Variants in FAT3 observed in about 807,000 individuals in gnomAD.
FAT3 encodes the protein FAT atypical cadherin 3, also known as protocadherin Fat 3.
A neutral mutation model predicts 310.2 loss-of-function variants in FAT3; 95 were observed. The observed-to-expected ratio is 0.31, with a 90% CI of 0.26 to 0.36. The LOEUF is 0.36. FAT3 is among the 10% of genes least tolerant of loss of function. FAT3 has a pLI of 1.00. For missense variants in FAT3, 5,408 were observed against 5,715.6 expected (o/e 0.95, Z 1.74); for synonymous variants, 2,314 against 2,192.9 (o/e 1.06, Z -1.54).
At chr11:92,284,357 A>G (rs1279507265) in intron 1 of FAT3, among the ~76,000 whole-genome samples, 1 of 151,976 alleles carries the variant, frequency 6.6e-6, no homozygotes, top group African/African-American at 2.4e-5. Context: ...TGTCAGTAAA[A>G]GGCTTGGGAT....
rs1947265637 is a variant in FAT3, at chr11:92,799,338, A to G, written c.6325A>G (p.Ile2109Val). 6.2e-7 allele frequency: 1 copy of G among 1,613,836 alleles called. No homozygotes were observed. Among genetic ancestry groups the G allele is most frequent in the Non-Finnish European group, 8.5e-7 (1 of 1,179,872 alleles). The change falls in exon 10 of 28, where the codon ATT becomes GTT. Residue 2109 changes from isoleucine to valine, a missense_variant. Coordinates refer to ENST00000525166, the MANE Select transcript of FAT3 (RefSeq NM_001367949.2). Reference protein sequence around the residue: ...PGTLIYQVTAIDKDKGPNGEV... With the variant: ...PGTLIYQVTAVDKDKGPNGEV... ...GACTCTGATTTATCAGGTGACAGCCATTGACAAAGATAAAGGTCCAAATGG... is the reference window on the plus strand; with the variant it reads ...GACTCTGATTTATCAGGTGACAGCCGTTGACAAAGATAAAGGTCCAAATGG...
At chr11:92,757,461 A>G (rs908567521) in intron 4 of FAT3, among the ~76,000 whole-genome samples, 11 of 152,002 alleles carry the variant, frequency 7.2e-5, no homozygotes, top group African/African-American at 2.7e-4. Flanking sequence ...AGAAGAGGAG[A>G]TGATGGGGAT....
chr11:92,330,475 A>G (rs931331452), intron 1 of FAT3, among the ~76,000 whole-genome samples: 1 of 152,180 alleles, frequency 6.6e-6, no homozygotes, highest in Non-Finnish European at 1.5e-5. Context: ...TATACGTTAA[A>G]TTTCAGGATG....
intron 8 of FAT3, among the ~76,000 whole-genome samples, chr11:92,790,423 G>A (rs1022457618): frequency 1.3e-5 from 2 of 152,114 alleles, no homozygotes; most frequent in Admixed American, 6.5e-5. Flanking sequence ...TTTGCCAAAC[G>A]AAAATATTAG....
intron 3 of FAT3, among the ~76,000 whole-genome samples, chr11:92,600,099 G>T (rs1426722063): frequency 2.0e-5 from 3 of 152,068 alleles, no homozygotes; most frequent in Non-Finnish European, 4.4e-5. Context: ...TTGATTTCTT[G>T]TATCTGTTTT....
chr11:92,615,399 A>C (rs1199391383), intron 3 of FAT3, among the ~76,000 whole-genome samples: 8 of 152,106 alleles, frequency 5.3e-5, no homozygotes, highest in African/African-American at 1.9e-4. Context: ...GGCACCCACC[A>C]CCACGCCTGG....
At chr11:92,623,610 C>T (rs1022517758) in intron 3 of FAT3, among the ~76,000 whole-genome samples, 1 of 152,142 alleles carries the variant, frequency 6.6e-6, no homozygotes, top group African/African-American at 2.4e-5. Flanking sequence ...TTAATTATAA[C>T]ATTTAGGGTG....
chr11:92,436,059 A>G (rs1950932154), intron 2 of FAT3, among the ~76,000 whole-genome samples: 1 of 152,168 alleles, frequency 6.6e-6, no homozygotes. Flanking sequence ...AACAATTCAC[A>G]GGCCAGAAGG....
chr11:92,232,845 GTAAT>G (rs1308687288), intron 1 of FAT3, among the ~76,000 whole-genome samples: 2 of 151,956 alleles, frequency 1.3e-5, no homozygotes, highest in Non-Finnish European at 2.9e-5. Context: ...CAACTTAGAA[GTAAT>G]TAGAGTAACT....
chr11:92,793,644 A>G (rs756284306), intron 9 of FAT3, among the ~76,000 whole-genome samples: 1 of 152,220 alleles, frequency 6.6e-6, no homozygotes, highest in Non-Finnish European at 1.5e-5. Context: ...CTGAGAGATG[A>G]ATGGCTAAGC....
chr11:92,434,652 T>C lies in FAT3; in HGVS notation c.3292+79248T>C, dbSNP rs140498001. 4.9e-3 allele frequency among the ~76,000 whole-genome samples: 753 copies of C among 152,316 alleles called. 5 individuals carry two copies. Among genetic ancestry groups the C allele is most frequent in the African/African-American group, 0.017 (716 of 41,570 alleles). ...AAGTCATCTGCCACTACTGATTAGC[T>C]GTGAGGACAGCTGCTTGACCTCACT... is the stretch of plus-strand genomic sequence containing the variant. On this transcript the variant is annotated intron_variant, in intron 2 of 27. Coordinates refer to ENST00000525166, the MANE Select transcript of FAT3 (RefSeq NM_001367949.2).
chr11:92,701,608 A>G (rs1275966278), intron 4 of FAT3, among the ~76,000 whole-genome samples: 1 of 152,236 alleles, frequency 6.6e-6, no homozygotes, highest in Non-Finnish European at 1.5e-5. Context: ...GCAAAAATGT[A>G]GAATTTTTAG....
rs1052381 is a variant in FAT3, at chr11:92,896,139, C to T, written c.*5026C>T. ...AATTTCAGAATCACAATGAGGTATG[C>T]CATTTCTTCATATACATGCACATTC... is the stretch of plus-strand genomic sequence containing the variant. On this transcript the variant is annotated 3_prime_UTR_variant, in exon 28 of 28. Coordinates refer to ENST00000525166, the MANE Select transcript of FAT3 (RefSeq NM_001367949.2). 72,362 of 151,710 alleles carry T rather than the reference C, an allele frequency of 0.48. 18,712 individuals carry two copies. The highest frequency in any genetic ancestry group is 0.67 in the African/African-American group (27,557 of 41,370). The allele number at this position is 151,710 out of a possible 1,614,324, so 9.4% of individuals were successfully genotyped here. A position where few individuals can be genotyped will look rare whatever the true frequency, so the allele number is the denominator to read the frequency against.
chr11:92,488,358 T>C (rs1158639984), intron 2 of FAT3, among the ~76,000 whole-genome samples: 4 of 149,510 alleles, frequency 2.7e-5, no homozygotes, highest in Non-Finnish European at 5.9e-5. Flanking sequence ...CCCAGACTCC[T>C]GGCCCATGGG....
chr11:92,753,798 G>GTGTGTTTATATATATATATATATATATA, intron 4 of FAT3, among the ~76,000 whole-genome samples: 1 of 119,182 alleles, frequency 8.4e-6, no homozygotes, highest in South Asian at 2.5e-4. Context: ...GTGTGTGTGT[G>GTGTGTTTATATATATATATATATATATA]TATATATATA....
intron 14 of FAT3, 47 bp downstream of exon 14, chr11:92,832,058 C>T (rs1244542311): frequency 3.3e-5 from 49 of 1,486,896 alleles, no homozygotes; most frequent in Admixed American, 1.0e-4. Context: ...CAGCTTGGCA[C>T]GGTGGCTCAC....
In FAT3 at chr11:92,798,569, T is replaced by C. The variant is rs1328773114; in HGVS notation, c.5556T>C (p.His1852=). Residue 1852 remains histidine, a synonymous_variant, in exon 10 of 28, where the codon CAT becomes CAC. Coordinates refer to ENST00000525166, the MANE Select transcript of FAT3 (RefSeq NM_001367949.2). ...ETIAHFHFHV[H]VRDSGSPQLT... ...TTGCCCATTTCCATTTTCATGTGCA[T>C]GTGAGAGACAGTGGTAGCCCCCAAC... is the stretch of plus-strand genomic sequence containing the variant. 1 of 1,613,742 alleles carries C rather than the reference T, an allele frequency of 6.2e-7. No homozygotes were observed. Among genetic ancestry groups the C allele is most frequent in the East Asian group, 2.2e-5 (1 of 44,822 alleles).
At chr11:92,470,072 T>C (rs774663322) in intron 2 of FAT3, among the ~76,000 whole-genome samples, 1 of 152,204 alleles carries the variant, frequency 6.6e-6, no homozygotes, top group Non-Finnish European at 1.5e-5. Flanking sequence ...AACGGTCCAG[T>C]GGTCATGCCA....
At chr11:92,394,116 C>A (rs1311659576) in intron 2 of FAT3, among the ~76,000 whole-genome samples, 1 of 152,118 alleles carries the variant, frequency 6.6e-6, no homozygotes, top group African/African-American at 2.4e-5. Flanking sequence ...ATAACATTGG[C>A]AAGTAAGACT....
Sources: gnomAD v4.1 joint callset for allele counts (sites outside exome capture counted in the v4.1 genomes callset) on GRCh38, gnomAD v4.1.1 for gene constraint, MANE v1.5 for transcripts, NCBI Gene and HGNC (gene_info 2026-07-23, HGNC 2026-07-21) for gene names.